Variants in RIT2 observed in about 807,000 individuals in gnomAD.
RIT2 encodes the protein Ras like without CAAX 2.
A neutral mutation model predicts 23.7 loss-of-function variants in RIT2; 24 were observed. That is an observed-to-expected ratio of 1.01 (90% CI 0.73 to 1.43). The LOEUF (loss-of-function observed/expected upper bound fraction) is 1.43. Ranked by LOEUF, RIT2 falls within the 40% of genes most tolerant of loss-of-function variation. The probability of loss-of-function intolerance (pLI) is 0.00; values close to 1 mark genes in which losing one functional copy is unlikely to be tolerated. For missense variants in RIT2, 236 were observed against 266.9 expected, an observed-to-expected ratio of 0.88 and a Z score of 0.81; for synonymous variants, 107 against 91.1, an observed-to-expected ratio of 1.17 and a Z score of -0.99.
At position 42,828,351 on chromosome 18, in the gene RIT2, C is replaced by A. The variant is rs578047370; in HGVS notation, c.427-84631G>T. Among the ~76,000 whole-genome samples the A allele has an allele frequency of 2.3e-4, 35 of 152,208 alleles. No homozygotes were observed. The South Asian group carries it at 6.9e-3, about 30-fold the overall frequency. ...TAACAATAGAATATTTCATTGTGTC[C>A]ATTACTTGGAGCATCAGCATAGATA... On this transcript the variant is annotated intron_variant, in intron 4 of 4. Coordinates refer to ENST00000326695, the MANE Select transcript of RIT2 (RefSeq NM_002930.4).
intron 1 of RIT2, among the ~76,000 whole-genome samples, chr18:43,088,490 TA>T (rs1177912015): frequency 6.6e-6 from 1 of 152,010 alleles, no homozygotes; most frequent in African/African-American, 2.4e-5. Context: ...TTCCTCACAG[TA>T]AAAAAACTGG....
intron 4 of RIT2, among the ~76,000 whole-genome samples, chr18:42,746,023 A>G (rs1016030353): frequency 6.6e-5 from 10 of 151,970 alleles, no homozygotes; most frequent in Non-Finnish European, 1.3e-4. Context: ...GCTAAGGAGT[A>G]GATTTTTGGC....
At position 42,743,292 on chromosome 18, in the gene RIT2, G is replaced by T. The variant is rs573478561; in HGVS notation, c.*201C>A. ...TAAAAACTAAACAGCATATCCAGCT[G>T]ATTGACAAAATCCATCCAACTGTTA... On this transcript the variant is annotated 3_prime_UTR_variant, in exon 5 of 5. Transcript: ENST00000326695. 3.8e-5 allele frequency: 22 copies of T among 586,374 alleles called. No individual in the cohort carries two copies. In the African/African-American group the frequency reaches 3.9e-4, roughly 10 times the overall value. The allele number at this position is 586,374 out of a possible 1,614,324, so 36.3% of individuals were successfully genotyped here.
At chr18:43,070,479 A>T (rs1185686826) in intron 1 of RIT2, among the ~76,000 whole-genome samples, 2 of 152,228 alleles carry the variant, frequency 1.3e-5, no homozygotes, top group African/African-American at 4.8e-5. Context: ...TGAGTCCCTG[A>T]GTGCGAAGGA....
chr18:43,028,859 A>T (rs578176390), intron 2 of RIT2, among the ~76,000 whole-genome samples: 1 of 152,068 alleles, frequency 6.6e-6, no homozygotes, highest in Non-Finnish European at 1.5e-5. Context: ...GAGTGACTCT[A>T]TTAGTGTACA....
chr18:43,050,158 C>G (rs1912345301), intron 1 of RIT2, among the ~76,000 whole-genome samples: 1 of 151,350 alleles, frequency 6.6e-6, no homozygotes, highest in Non-Finnish European at 1.5e-5. Context: ...TCTCTAGTAG[C>G]TGAGAGTGCA....
At chr18:42,974,034 A>G in intron 3 of RIT2, 40 bp downstream of exon 3, 1 of 1,367,924 alleles carries the variant, frequency 7.3e-7, no homozygotes, top group African/African-American at 1.4e-5. Context: ...AAAGCATAAA[A>G]TAAACTCAGA....
intron 4 of RIT2, among the ~76,000 whole-genome samples, chr18:42,806,799 T>C (rs577486853): frequency 6.6e-6 from 1 of 152,234 alleles, no homozygotes; most frequent in African/African-American, 2.4e-5. Flanking sequence ...AAATAAATGA[T>C]TACTGCATTT....
At chr18:42,848,419 T>A (rs1299092851) in intron 4 of RIT2, among the ~76,000 whole-genome samples, 3 of 152,192 alleles carry the variant, frequency 2.0e-5, no homozygotes, top group Admixed American at 6.5e-5. Context: ...TATACCTATT[T>A]TCCTGTAGTC....
At chr18:42,866,018 C>T (rs757154315) in intron 4 of RIT2, among the ~76,000 whole-genome samples, 1 of 152,176 alleles carries the variant, frequency 6.6e-6, no homozygotes, top group Non-Finnish European at 1.5e-5. Flanking sequence ...TCCAGATCCT[C>T]AAGCTTGGTA....
intron 4 of RIT2, among the ~76,000 whole-genome samples, chr18:42,765,866 G>T (rs1291027422): frequency 1.3e-5 from 2 of 151,986 alleles, no homozygotes; most frequent in African/African-American, 4.8e-5. Context: ...GGTCTTTCCC[G>T]TGCTATTCTT....
rs553311832 is a variant in RIT2 at position 42,892,628 on chromosome 18, C to A, written c.426+30944G>T. On this transcript the variant is annotated intron_variant, in intron 4 of 4. Coordinates refer to ENST00000326695, the MANE Select transcript of RIT2 (RefSeq NM_002930.4). Reference sequence around the variant, plus strand: ...TGAAAATGTAGTTGAAGAAAATACCCCAGTCATTTGACAAATAAAGCAGCT... The same window carrying A: ...TGAAAATGTAGTTGAAGAAAATACCACAGTCATTTGACAAATAAAGCAGCT... Among the ~76,000 whole-genome samples, 5 of 152,192 alleles carry A rather than the reference C, an allele frequency of 3.3e-5. No homozygotes were observed. The South Asian group carries it at 1.0e-3, about 32-fold the overall frequency.
At chr18:43,080,955 G>A (rs1913144019) in intron 1 of RIT2, among the ~76,000 whole-genome samples, 1 of 152,120 alleles carries the variant, frequency 6.6e-6, no homozygotes, top group African/African-American at 2.4e-5. Flanking sequence ...AGGACAACAG[G>A]GATATACCAG....
intron 3 of RIT2, among the ~76,000 whole-genome samples, chr18:42,971,789 A>G (rs1910366291): frequency 6.6e-6 from 1 of 152,036 alleles, no homozygotes; most frequent in Non-Finnish European, 1.5e-5. Context: ...TTTCTTGAGA[A>G]GTAGCACAAG....
At chr18:43,111,368 A>T (rs978411086) in intron 1 of RIT2, among the ~76,000 whole-genome samples, 1 of 152,176 alleles carries the variant, frequency 6.6e-6, no homozygotes, top group Non-Finnish European at 1.5e-5. Flanking sequence ...AATGAATAAG[A>T]TCTAACATTT....
At chr18:43,013,003 G>C (rs1911386329) in intron 2 of RIT2, among the ~76,000 whole-genome samples, 1 of 151,742 alleles carries the variant, frequency 6.6e-6, no homozygotes, top group Admixed American at 6.6e-5. Context: ...GGGAACAAAA[G>C]CACTAGCCCA....
At chr18:43,018,559 T>A (rs1317407393) in intron 2 of RIT2, among the ~76,000 whole-genome samples, 1 of 151,852 alleles carries the variant, frequency 6.6e-6, no homozygotes, top group Non-Finnish European at 1.5e-5. Context: ...GGAACCCCCA[T>A]CAGATTGACA....
intron 2 of RIT2, among the ~76,000 whole-genome samples, chr18:42,975,494 G>T (rs1413295478): frequency 2.0e-5 from 3 of 152,036 alleles, no homozygotes; most frequent in African/African-American, 7.2e-5. Flanking sequence ...TAGGTCATGG[G>T]CTGCTTTATA....
At chr18:42,876,320 C>T (rs995324812) in intron 4 of RIT2, among the ~76,000 whole-genome samples, 1 of 151,148 alleles carries the variant, frequency 6.6e-6, no homozygotes, top group Non-Finnish European at 1.5e-5. Flanking sequence ...CATTCTGAAA[C>T]CAAACATCAA....
Sources: allele counts gnomAD v4.1 joint callset (sites outside exome capture counted in the v4.1 genomes callset), GRCh38; gene constraint gnomAD v4.1.1; transcripts MANE v1.5; gene names NCBI Gene and HGNC (gene_info 2026-07-23, HGNC 2026-07-21).